The following PPP3CC variants were observed in gnomAD, a reference collection of about 807,000 sequenced individuals.
PPP3CC encodes the protein serine/threonine-protein phosphatase 2B catalytic subunit gamma isoform.
Under a neutral mutation model 60.3 loss-of-function variants are expected in PPP3CC, and 35 were observed. The ratio of observed to expected loss-of-function variants is 0.58; its 90% CI spans 0.44 to 0.77. PPP3CC has a LOEUF of 0.77. PPP3CC is among the 30% of genes least tolerant of loss of function. The probability of loss-of-function intolerance (pLI) is 0.00; values close to 1 mark genes in which losing one functional copy is unlikely to be tolerated. For missense variants in PPP3CC, 570 were observed against 628.9 expected (o/e 0.91, Z 1.00); for synonymous variants, 206 against 224.3 (o/e 0.92, Z 0.73).
intron 4 of PPP3CC, among the ~76,000 whole-genome samples, chr8:22,510,685 T>G (rs1011489287): frequency 6.6e-6 from 1 of 152,184 alleles, no homozygotes; most frequent in Non-Finnish European, 1.5e-5. Context: ...GTGGGAAGAT[T>G]AGGGAGCCAT....
intron 13 of PPP3CC, among the ~76,000 whole-genome samples, chr8:22,539,724 T>A (rs755464691): frequency 1.3e-5 from 2 of 152,210 alleles, no homozygotes; most frequent in African/African-American, 2.4e-5. Flanking sequence ...TTTTCTGGGC[T>A]CTATCAGCTT....
chr8:22,482,774 A>C (rs1838107060), intron 3 of PPP3CC, among the ~76,000 whole-genome samples: 1 of 152,276 alleles, frequency 6.6e-6, no homozygotes, highest in South Asian at 2.1e-4. Flanking sequence ...TTAATCAGAC[A>C]GAGGAAGAAT....
At chr8:22,510,804 A>G (rs1210334597) in intron 4 of PPP3CC, 2 of 302,032 alleles carry the variant, frequency 6.6e-6, no homozygotes, top group African/African-American at 4.3e-5. Context: ...AATTTTTACC[A>G]CAAGCCATGT....
intron 4 of PPP3CC, among the ~76,000 whole-genome samples, chr8:22,507,539 T>A (rs1838959824): frequency 6.6e-6 from 1 of 152,216 alleles, no homozygotes; most frequent in African/African-American, 2.4e-5. Context: ...TTCTGCCAGT[T>A]ACTTGCTTGC....
chr8:22,456,651 C>T (rs1468766218), intron 1 of PPP3CC, among the ~76,000 whole-genome samples: 2 of 152,144 alleles, frequency 1.3e-5, no homozygotes, highest in Admixed American at 1.3e-4. Context: ...TTTAGCTTTA[C>T]ACAATTTCAC....
chr8:22,444,792 T>G (rs897985270), intron 1 of PPP3CC, among the ~76,000 whole-genome samples: 1 of 152,242 alleles, frequency 6.6e-6, no homozygotes, highest in African/African-American at 2.4e-5. Context: ...GCACCATAAC[T>G]GGTATCTAAG....
chr8:22,465,820 AT>A (rs149567298), intron 1 of PPP3CC, among the ~76,000 whole-genome samples: 4 of 151,466 alleles, frequency 2.6e-5, no homozygotes, highest in African/African-American at 9.7e-5. Flanking sequence ...TATTGTAGCC[AT>A]TTTTTTTTAG....
At chr8:22,496,994 G>A (rs1838608186) in intron 3 of PPP3CC, among the ~76,000 whole-genome samples, 1 of 151,922 alleles carries the variant, frequency 6.6e-6, no homozygotes, top group Non-Finnish European at 1.5e-5. Flanking sequence ...TCTCCACCGT[G>A]ATGTTCTGTT....
chr8:22,465,542 A>C (rs1300802229), intron 1 of PPP3CC, among the ~76,000 whole-genome samples: 1 of 152,214 alleles, frequency 6.6e-6, no homozygotes, highest in Non-Finnish European at 1.5e-5. Context: ...TAATGAATGC[A>C]TTAATGTTGA....
intron 1 of PPP3CC, among the ~76,000 whole-genome samples, chr8:22,466,613 T>C (rs1837529581): frequency 6.6e-6 from 1 of 152,258 alleles, no homozygotes; most frequent in South Asian, 2.1e-4. Context: ...GTTGGCTGCA[T>C]AAATGTCTTC....
intron 1 of PPP3CC, among the ~76,000 whole-genome samples, chr8:22,456,407 T>G (rs1025850563): frequency 1.3e-5 from 2 of 152,194 alleles, no homozygotes; most frequent in African/African-American, 4.8e-5. Flanking sequence ...TTTTCAAAAT[T>G]TATTTAATTT....
chr8:22,532,876 G>A, intron 11 of PPP3CC, 45 bp from the exon 12 acceptor site: 4 of 1,327,880 alleles, frequency 3.0e-6, no homozygotes, highest in Non-Finnish European at 4.1e-6. Context: ...GTTGCTGAAT[G>A]GAGAGTTCTC....
chr8:22,532,215 A>G lies in PPP3CC; in HGVS notation c.1142-10A>G, dbSNP rs1467246361. 6.3e-7 allele frequency: 1 copy of G among 1,598,970 alleles called. No homozygotes were observed. Among genetic ancestry groups the G allele is most frequent in the African/African-American group, 1.3e-5 (1 of 74,628 alleles). ...TCCCTTTAACTTACTTATTCTTTGT[A>G]TTCTCTAAGGAAGCACTACAGTTCG... On this transcript the variant is annotated splice_polypyrimidine_tract_variant and intron_variant, in intron 10 of 13. Transcript: ENST00000240139.
chr8:22,528,713 A>T, intron 10 of PPP3CC, 136 bp downstream of exon 10: 1 of 657,190 alleles, frequency 1.5e-6, no homozygotes, highest in Non-Finnish European at 2.3e-6. Flanking sequence ...AAATTTGAAA[A>T]ATACGAGAAA....
At chr8:22,539,340 C>G in intron 12 of PPP3CC, 129 bp from the exon 13 acceptor site, 1 of 799,748 alleles carries the variant, frequency 1.3e-6, no homozygotes, top group Non-Finnish European at 2.0e-6. Flanking sequence ...AACTAGTTGA[C>G]TTTCATTATG....
intron 5 of PPP3CC, among the ~76,000 whole-genome samples, chr8:22,512,734 TAAG>T (rs907521066): frequency 5.3e-5 from 8 of 152,184 alleles, no homozygotes; most frequent in Non-Finnish European, 2.9e-5. Context: ...GATTAGGATG[TAAG>T]AGGGTCTTTT....
At position 22,441,130 on chromosome 8, in the gene PPP3CC, C is replaced by G. The variant is rs1027543068; in HGVS notation, c.-280C>G. On this transcript the variant is annotated 5_prime_UTR_variant, in exon 1 of 14. Transcript: ENST00000240139. The stretch of plus-strand genomic sequence containing the variant: ...AGCCGCGGCCGTCCCGGTCGCCACC[C>G]TTAGCAGCGGTCGCGGTCGGTGCCG... 6.2e-6 allele frequency: 2 copies of G among 322,672 alleles called. No individual in the cohort carries two copies. Among genetic ancestry groups the G allele is most frequent in the Non-Finnish European group, 1.1e-5 (2 of 177,682 alleles). 20.0% of individuals were successfully genotyped at this position (322,672 alleles called of 1,614,324 possible).
At chr8:22,506,816 C>T (rs1402148222) in intron 4 of PPP3CC, among the ~76,000 whole-genome samples, 1 of 151,970 alleles carries the variant, frequency 6.6e-6, no homozygotes. Context: ...GTGGTGGGTG[C>T]CTGTAGTCCC....
At chr8:22,492,723 C>G (rs1048029297) in intron 3 of PPP3CC, 2 of 988,428 alleles carry the variant, frequency 2.0e-6, no homozygotes, top group Non-Finnish European at 3.2e-6. Context: ...GTTCATAGAA[C>G]AGCCACAGCA....
Sources: allele counts gnomAD v4.1 joint callset (sites outside exome capture counted in the v4.1 genomes callset), GRCh38; gene constraint gnomAD v4.1.1; transcripts MANE v1.5; gene names NCBI Gene and HGNC (gene_info 2026-07-23, HGNC 2026-07-21).